GNB1L: variants seen among roughly 807,000 people sequenced by gnomAD.
The protein encoded by GNB1L is G protein subunit beta 1 like, also known as guanine nucleotide-binding protein subunit beta-like protein 1.
A neutral mutation model predicts 29.1 loss-of-function variants in GNB1L; 20 were observed. The observed-to-expected ratio is 0.69, with a 90% CI of 0.48 to 1.00. The LOEUF is 1.00. Among genes scored for constraint, GNB1L ranks in the 50% least tolerant of loss-of-function variants. The probability of loss-of-function intolerance (pLI) is 0.00; values close to 1 mark genes in which losing one functional copy is unlikely to be tolerated. For missense variants in GNB1L, 421 were observed against 464.9 expected, an observed-to-expected ratio of 0.91 and a Z score of 0.87; for synonymous variants, 193 against 206.5, an observed-to-expected ratio of 0.93 and a Z score of 0.56.
chr22:19,837,036 G>A (rs1307303139), intron 2 of GNB1L, among the ~76,000 whole-genome samples: 2 of 150,500 alleles, frequency 1.3e-5, no homozygotes, highest in African/African-American at 2.5e-5. Flanking sequence ...GCGCGATCTC[G>A]GCTCACTGCA....
At chr22:19,824,347 C>T (rs1356410369) in intron 2 of GNB1L, among the ~76,000 whole-genome samples, 13 of 152,208 alleles carry the variant, frequency 8.5e-5, no homozygotes, top group Non-Finnish European at 2.9e-5. Context: ...GCCGCCCTTG[C>T]GCAAGGCCCG....
At chr22:19,819,138 A>T (rs1937558065) in intron 4 of GNB1L, among the ~76,000 whole-genome samples, 1 of 152,134 alleles carries the variant, frequency 6.6e-6, no homozygotes, top group Admixed American at 6.5e-5. Context: ...ACCCAGCCCC[A>T]CTGTCCTTCA....
At chr22:19,799,094 G>A (rs371387804) in intron 7 of GNB1L, among the ~76,000 whole-genome samples, 4 of 152,228 alleles carry the variant, frequency 2.6e-5, no homozygotes, top group African/African-American at 7.2e-5. Context: ...AGATGGGAGC[G>A]CAGCTGGGAC....
chr22:19,816,314 T>C lies in GNB1L; in HGVS notation c.255-3867A>G, dbSNP rs914130545. ...CTGATCGCCTGGTCAGGACCCATAG[T>C]TTTCAAAGGCTCATCATCCCTAATT... is the stretch of plus-strand genomic sequence containing the variant. On this transcript the variant is annotated intron_variant, in intron 4 of 7. Coordinates refer to ENST00000329517, the MANE Select transcript of GNB1L (RefSeq NM_053004.3). This position sits in a 1 kb window ranked among gnomAD's most constrained non-coding sequence, Gnocchi z 4.4. Among the ~76,000 whole-genome samples, 3 of 152,104 alleles carry C rather than the reference T, an allele frequency of 2.0e-5. No homozygotes were observed. The highest frequency in any genetic ancestry group is 7.2e-5 in the African/African-American group (3 of 41,422).
At chr22:19,793,940 G>A (rs1463555081) in intron 7 of GNB1L, among the ~76,000 whole-genome samples, 1 of 152,152 alleles carries the variant, frequency 6.6e-6, no homozygotes, top group Non-Finnish European at 1.5e-5. Context: ...GCAAAGGGGT[G>A]AGTAAATGTA....
intron 7 of GNB1L, among the ~76,000 whole-genome samples, chr22:19,797,713 G>A (rs1011427809): frequency 6.6e-6 from 1 of 152,116 alleles, no homozygotes; most frequent in Non-Finnish European, 1.5e-5. Flanking sequence ...CCACCTCGCC[G>A]TCCTACCTCA....
rs1053331204 is a variant in GNB1L, at chr22:19,786,095, G to T, written c.*2614C>A. 1 of 152,268 alleles carries T rather than the reference G, an allele frequency of 6.6e-6. No individual in the cohort carries two copies. Among genetic ancestry groups the T allele is most frequent in the Non-Finnish European group, 1.5e-5 (1 of 68,076 alleles). The allele number at this position is 152,268 out of a possible 1,614,324, so 9.4% of individuals were successfully genotyped here. A position where few individuals can be genotyped will look rare whatever the true frequency, so the allele number is the denominator to read the frequency against. ...GTCCTGGGCCTGCCCTCCACAGGAC[G>T]TCTATAAGGCCTCAGAAGCTGGATC... On this transcript the variant is annotated 3_prime_UTR_variant, in exon 8 of 8. Transcript: ENST00000329517.
At chr22:19,835,860 T>A (rs1053622505) in intron 2 of GNB1L, among the ~76,000 whole-genome samples, 3 of 152,092 alleles carry the variant, frequency 2.0e-5, no homozygotes, top group African/African-American at 7.2e-5. Context: ...ATATCTAAAC[T>A]AAATACAAAT....
intron 4 of GNB1L, among the ~76,000 whole-genome samples, chr22:19,814,858 C>T (rs896489981): frequency 1.3e-5 from 2 of 152,060 alleles, no homozygotes; most frequent in African/African-American, 4.8e-5. Context: ...CATAGTGAGA[C>T]TCCATCTCTA....
chr22:19,812,912 T>C (rs1431903215), intron 4 of GNB1L, among the ~76,000 whole-genome samples: 1 of 151,864 alleles, frequency 6.6e-6, no homozygotes, highest in Non-Finnish European at 1.5e-5. Flanking sequence ...CAAAAATAAC[T>C]GTGCAGAAAC....
chr22:19,848,432 ATCTG>A (rs781631797), intron 2 of GNB1L: 3 of 985,502 alleles, frequency 3.0e-6, no homozygotes, highest in Non-Finnish European at 3.6e-6. Flanking sequence ...CTTGGTCATC[ATCTG>A]TCTGAAAGCA....
intron 5 of GNB1L, among the ~76,000 whole-genome samples, chr22:19,808,704 G>GT (rs1937464570): frequency 6.6e-6 from 1 of 152,254 alleles, no homozygotes; most frequent in Non-Finnish European, 1.5e-5. Flanking sequence ...TCTTCTGCAA[G>GT]TAACAGCAAC....
chr22:19,801,717 A>G (rs966566665), intron 7 of GNB1L, among the ~76,000 whole-genome samples: 4 of 151,782 alleles, frequency 2.6e-5, no homozygotes, highest in Non-Finnish European at 4.4e-5. Context: ...GTTTTCACAA[A>G]GGGGTTTGAG....
chr22:19,822,095 C>T (rs1413601897), intron 2 of GNB1L, among the ~76,000 whole-genome samples: 1 of 152,104 alleles, frequency 6.6e-6, no homozygotes, highest in Non-Finnish European at 1.5e-5. Flanking sequence ...TGCTGGGCCC[C>T]AGGCCTGCCC....
intron 2 of GNB1L, chr22:19,847,478 C>G: frequency 1.0e-6 from 1 of 985,450 alleles, no homozygotes; most frequent in Non-Finnish European, 1.2e-6. Context: ...CATTCTCATT[C>G]AACCCTTCTA....
At chr22:19,829,687 T>C (rs1348343448) in intron 2 of GNB1L, among the ~76,000 whole-genome samples, 2 of 152,134 alleles carry the variant, frequency 1.3e-5, no homozygotes, top group African/African-American at 2.4e-5. Flanking sequence ...TTGGTTCAAA[T>C]AGGGAATTTA....
chr22:19,826,964 A>G (rs981210718), intron 2 of GNB1L, among the ~76,000 whole-genome samples: 1 of 152,174 alleles, frequency 6.6e-6, no homozygotes, highest in Non-Finnish European at 1.5e-5. Context: ...CCAAAGGAAA[A>G]CGCTGGGTAA....
intron 7 of GNB1L, among the ~76,000 whole-genome samples, chr22:19,790,961 A>G (rs1009085372): frequency 5.3e-5 from 8 of 152,208 alleles, no homozygotes; most frequent in East Asian, 3.9e-4. Flanking sequence ...ACAATTCCCA[A>G]TGAAGAGCCA....
rs932708538 is a variant in GNB1L at position 19,847,764 on chromosome 22, C to T, written c.-21+6679G>A. On this transcript the variant is annotated intron_variant, in intron 2 of 7. Transcript: ENST00000329517. ...GGTCCACTTCTCCATACCTCCACAA[C>T]TCTGGGCATCTAAAACTTTTAAAAT... is the stretch of plus-strand genomic sequence containing the variant. 7.6e-6 allele frequency: 7 copies of T among 921,782 alleles called. No homozygotes were observed. In the African/African-American group the frequency reaches 1.3e-4, roughly 17 times the overall value. 57.1% of individuals were successfully genotyped at this position (921,782 alleles called of 1,614,324 possible). A position where few individuals can be genotyped will look rare whatever the true frequency, so the allele number is the denominator to read the frequency against.
Sources: allele counts gnomAD v4.1 joint callset (sites outside exome capture counted in the v4.1 genomes callset), GRCh38; gene constraint gnomAD v4.1.1; non-coding constraint Gnocchi (gnomAD v3.1); transcripts MANE v1.5; gene names NCBI Gene and HGNC (gene_info 2026-07-23, HGNC 2026-07-21).